Variants in CDC42BPB observed in about 807,000 individuals in gnomAD.
CDC42BPB encodes CDC42 binding protein kinase beta.
In CDC42BPB, 37 loss-of-function variants were observed where a neutral mutation model predicts 214.9. The observed-to-expected ratio is 0.17, with a 90% CI of 0.13 to 0.23. The LOEUF (loss-of-function observed/expected upper bound fraction) is 0.23, where lower values mean the gene tolerates loss of function less well. CDC42BPB is among the 10% of genes least tolerant of loss of function. The pLI, the probability that CDC42BPB is intolerant of heterozygous loss-of-function variation, is 1.00. For missense variants in CDC42BPB, 1,694 were observed against 2,227.0 expected (o/e 0.76, Z 4.82); for synonymous variants, 931 against 884.0 (o/e 1.05, Z -0.94).
Position 103,008,522 on chromosome 14 carries a change from T to C in CDC42BPB, c.301A>G (p.Ile101Val). 2 of 1,612,776 alleles carry C rather than the reference T, an allele frequency of 1.2e-6. No individual in the cohort carries two copies. The highest frequency in any genetic ancestry group is 1.1e-5 in the South Asian group (1 of 91,042). ...TTGTTGAGGATTTTCATTGCATAAA[T>C]TCGTTCAGTATTCTTCATTTTGACA... ...AVVKMKNTER[I>V]YAMKILNKWE... The change falls in exon 3 of 37, where the codon ATT (isoleucine) becomes GTT (valine). Residue 101 changes from isoleucine (I) to valine (V), a missense_variant. Transcript: ENST00000361246.
At chr14:102,989,776 T>C (rs1337544956) in intron 5 of CDC42BPB, among the ~76,000 whole-genome samples, 1 of 151,792 alleles carries the variant, frequency 6.6e-6, no homozygotes, top group Non-Finnish European at 1.5e-5. Context: ...GGAGAATCAC[T>C]TGAACCCAGG....
chr14:103,017,124 C>T (rs1886508859), intron 1 of CDC42BPB, among the ~76,000 whole-genome samples: 1 of 152,170 alleles, frequency 6.6e-6, no homozygotes, highest in Non-Finnish European at 1.5e-5. Flanking sequence ...GAGTTCAAGA[C>T]CAGCCTGGGC....
In CDC42BPB at chr14:103,048,635, G is replaced by A. The variant is rs149034132; in HGVS notation, c.175+8364C>T. ...CTCAGACAGAATGGTGTGAACCCAG[G>A]AGGCGGAGCCTGCAGTGAGCCGAGA... is the stretch of plus-strand genomic sequence containing the variant. On this transcript the variant is annotated intron_variant, in intron 1 of 36. Transcript: ENST00000361246. Among the ~76,000 whole-genome samples the A allele has an allele frequency of 6.7e-3, 1,011 of 150,580 alleles. 11 individuals are homozygous for A. The highest frequency in any genetic ancestry group is 0.024 in the African/African-American group (966 of 41,010).
At chr14:103,018,516 G>A (rs1886592304) in intron 1 of CDC42BPB, among the ~76,000 whole-genome samples, 1 of 152,214 alleles carries the variant, frequency 6.6e-6, no homozygotes, top group South Asian at 2.1e-4. Context: ...TGGAACAGAG[G>A]AGGAAGTCGC....
At position 103,057,012 on chromosome 14, in the gene CDC42BPB, C is replaced by G; in HGVS notation, c.162G>C (p.Glu54Asp). The G allele has an allele frequency of 1.4e-6, 2 of 1,476,664 alleles. No homozygotes were observed. The highest frequency in any genetic ancestry group is 9.0e-7 in the Non-Finnish European group (1 of 1,115,580). The allele number at this position is 1,476,664 out of a possible 1,614,324, so 91.5% of individuals were successfully genotyped here. The change falls in exon 1 of 37, where the codon GAG (glutamate) becomes GAC (aspartate). Residue 54 changes from glutamate (E) to aspartate (D), a missense_variant. By Grantham distance (45) the Glu-to-Asp change is conservative. Coordinates refer to ENST00000361246, the MANE Select transcript of CDC42BPB (RefSeq NM_006035.4). ...SALRRDKYVAEFLEWAKPFTQ... is the reference protein window; with the variant it reads ...SALRRDKYVADFLEWAKPFTQ... ...GCGCGCACTTACCCCACTCGAGGAA[C>G]TCGGCCACGTACTTGTCGCGGCGCA...
intron 1 of CDC42BPB, among the ~76,000 whole-genome samples, chr14:103,045,293 G>A (rs1181719990): frequency 6.6e-6 from 1 of 152,134 alleles, no homozygotes; most frequent in Non-Finnish European, 1.5e-5. Context: ...TTCTGCTCTG[G>A]TTTATTTTCA....
intron 11 of CDC42BPB, 148 bp from the exon 12 acceptor site, chr14:102,974,297 C>CACAA: frequency 4.1e-6 from 6 of 1,446,962 alleles, no homozygotes; most frequent in Non-Finnish European, 5.4e-6. Flanking sequence ...CACACACACA[C>CACAA]ACACACACAC....
intron 7 of CDC42BPB, among the ~76,000 whole-genome samples, chr14:102,983,244 GA>G (rs1894085872): frequency 6.6e-6 from 1 of 152,192 alleles, no homozygotes; most frequent in East Asian, 1.9e-4. Flanking sequence ...TCTGTCTACA[GA>G]AACCTGCCTT....
At chr14:102,946,853 C>A (rs981406228) in intron 27 of CDC42BPB, 169 bp from the exon 28 acceptor site, 2 of 985,320 alleles carry the variant, frequency 2.0e-6, no homozygotes, top group African/African-American at 1.7e-5. Flanking sequence ...GAGGCTCCCG[C>A]GGCAGGACAC....
chr14:103,041,711 T>C, intron 1 of CDC42BPB: 1 of 552,018 alleles, frequency 1.8e-6, no homozygotes, highest in Non-Finnish European at 3.3e-6. Context: ...GAGCTCAGGG[T>C]GGCTGGCATT....
chr14:102,937,382 G>A (rs1295234758), intron 36 of CDC42BPB, among the ~76,000 whole-genome samples: 1 of 152,270 alleles, frequency 6.6e-6, no homozygotes, highest in Non-Finnish European at 1.5e-5. Flanking sequence ...CGCTGACCTT[G>A]GCAGAACCAG....
Position 103,001,577 on chromosome 14 carries a change from A to G in CDC42BPB, c.448-1864T>C, listed in dbSNP as rs1894984720. Among the ~76,000 whole-genome samples the G allele has an allele frequency of 6.6e-6, 1 of 152,158 alleles. No individual in the cohort carries two copies. The highest frequency in any genetic ancestry group is 2.4e-5 in the African/African-American group (1 of 41,426). On this transcript the variant is annotated intron_variant, in intron 4 of 36. Transcript: ENST00000361246. The surrounding 1 kb of genome is among the most constrained non-coding windows in gnomAD (Gnocchi z 5.8). ...GTGGGGGCTGCAGCCCCACACTCAG[A>G]GCAGTGAGTGGGTGATGTTCCCCAG...
At chr14:103,023,907 C>A (rs1886907940) in intron 1 of CDC42BPB, among the ~76,000 whole-genome samples, 1 of 152,164 alleles carries the variant, frequency 6.6e-6, no homozygotes, top group East Asian at 1.9e-4. Context: ...GAAATCTAGT[C>A]CCAGAGGGAG....
intron 1 of CDC42BPB, among the ~76,000 whole-genome samples, chr14:103,031,356 T>C (rs1021499015): frequency 6.6e-6 from 1 of 152,152 alleles, no homozygotes; most frequent in Non-Finnish European, 1.5e-5. Flanking sequence ...ACCAGATGCC[T>C]AGAGATGAGA....
intron 21 of CDC42BPB, among the ~76,000 whole-genome samples, chr14:102,957,636 C>T (rs1028484039): frequency 6.6e-6 from 1 of 152,204 alleles, no homozygotes; most frequent in Non-Finnish European, 1.5e-5. Flanking sequence ...TTTGATAAAA[C>T]AAACAAACAT....
At chr14:102,933,941 C>A in intron 36 of CDC42BPB, 98 bp from the exon 37 acceptor site, 2 of 1,439,330 alleles carry the variant, frequency 1.4e-6, no homozygotes, top group South Asian at 3.0e-5. Flanking sequence ...GGACAACTGT[C>A]GCAACTGCTC....
chr14:103,008,476 G>A lies in CDC42BPB; in HGVS notation c.347C>T (p.Ala116Val). Residue 116 changes from alanine to valine, a missense_variant, in exon 3 of 37, where the codon GCA becomes GTA. Transcript: ENST00000361246. ...ILNKWEMLKR[A>V]ETACFREERD... ...CTTTTCAAGCTCCATACTTACCTCT[G>A]CTCTTTTCAGCATCTCCCACTTGTT... 1 of 1,598,530 alleles carries A rather than the reference G, an allele frequency of 6.3e-7. No homozygotes were observed. The highest frequency in any genetic ancestry group is 1.7e-5 in the Admixed American group (1 of 60,010).
intron 36 of CDC42BPB, chr14:102,934,052 C>G: frequency 7.5e-7 from 1 of 1,324,570 alleles, no homozygotes; most frequent in East Asian, 3.2e-5. Flanking sequence ...TAATCCCACT[C>G]AAAAATAACA....
intron 1 of CDC42BPB, among the ~76,000 whole-genome samples, chr14:103,036,319 AT>A (rs982422751): frequency 1.3e-5 from 2 of 150,506 alleles, no homozygotes; most frequent in Non-Finnish European, 3.0e-5. Flanking sequence ...CGCCCGGCTA[AT>A]TTTTTTTTGT....
Sources: allele counts gnomAD v4.1 joint callset (sites outside exome capture counted in the v4.1 genomes callset), GRCh38; gene constraint gnomAD v4.1.1; non-coding constraint Gnocchi (gnomAD v3.1); transcripts MANE v1.5; gene names NCBI Gene and HGNC (gene_info 2026-07-23, HGNC 2026-07-21).